RAVER2: variants seen among roughly 807,000 people sequenced by gnomAD.
The protein encoded by RAVER2 is ribonucleoprotein PTB-binding 2.
RAVER2 carries 46 observed loss-of-function variants against 78.1 expected under a neutral mutation model. The ratio of observed to expected loss-of-function variants is 0.59; its 90% CI spans 0.46 to 0.75. The LOEUF (loss-of-function observed/expected upper bound fraction) is 0.75. Ranked by LOEUF, RAVER2 falls within the 30% of genes least tolerant of loss-of-function variation. The pLI is 0.00. For synonymous variants in RAVER2, 311 were observed against 313.3 expected (o/e 0.99, Z 0.08); for missense variants, 793 against 837.5 (o/e 0.95, Z 0.66).
chr1:64,820,205 A>G (rs932829088), intron 11 of RAVER2, among the ~76,000 whole-genome samples: 1 of 152,184 alleles, frequency 6.6e-6, no homozygotes, highest in Non-Finnish European at 1.5e-5. Flanking sequence ...ATACAAAGAG[A>G]TATAGCTAAA....
chr1:64,771,704 T>A (rs901134990), intron 2 of RAVER2, among the ~76,000 whole-genome samples: 3 of 152,116 alleles, frequency 2.0e-5, no homozygotes, highest in Non-Finnish European at 4.4e-5. Flanking sequence ...TGAAGTGGTG[T>A]GATACCGTTT....
At chr1:64,810,812 T>C (rs1044567349) in intron 9 of RAVER2, among the ~76,000 whole-genome samples, 2 of 152,202 alleles carry the variant, frequency 1.3e-5, no homozygotes, top group Admixed American at 6.5e-5. Context: ...GTTTTCTACA[T>C]ACAGTTGACC....
intron 11 of RAVER2, among the ~76,000 whole-genome samples, chr1:64,816,820 A>T (rs1039879436): frequency 1.6e-4 from 25 of 152,228 alleles, no homozygotes; most frequent in Non-Finnish European, 3.1e-4. Flanking sequence ...AACCTAGGCA[A>T]TACCATTCAG....
At chr1:64,781,930 G>A (rs916374216) in intron 4 of RAVER2, among the ~76,000 whole-genome samples, 2 of 151,806 alleles carry the variant, frequency 1.3e-5, no homozygotes, top group African/African-American at 4.8e-5. Context: ...TTGAAATGGA[G>A]TTTCACTCTT....
intron 4 of RAVER2, among the ~76,000 whole-genome samples, chr1:64,788,688 T>C (rs1379748199): frequency 2.1e-5 from 3 of 140,776 alleles, no homozygotes; most frequent in Non-Finnish European, 3.1e-5. Flanking sequence ...GCTGCTCGGG[T>C]GGCTGAGGCA....
At chr1:64,755,723 A>ATTTT (rs1258468090) in intron 1 of RAVER2, among the ~76,000 whole-genome samples, 2 of 66,636 alleles carry the variant, frequency 3.0e-5, no homozygotes, top group African/African-American at 9.1e-5. Flanking sequence ...TATGCTTCAT[A>ATTTT]GTTTTTTTTT....
chr1:64,789,919 CTT>C (rs1428728142), intron 5 of RAVER2, among the ~76,000 whole-genome samples: 2 of 152,138 alleles, frequency 1.3e-5, no homozygotes, highest in African/African-American at 2.4e-5. Flanking sequence ...TTTGTTTCCT[CTT>C]TGTTCTTCCC....
chr1:64,810,381 C>T (rs1006408036), intron 9 of RAVER2, among the ~76,000 whole-genome samples: 10 of 152,226 alleles, frequency 6.6e-5, no homozygotes, highest in Admixed American at 1.3e-4. Context: ...GATGAGGATA[C>T]TGTTCCTGCT....
intron 2 of RAVER2, among the ~76,000 whole-genome samples, chr1:64,774,077 T>C (rs1442550548): frequency 6.6e-6 from 1 of 152,204 alleles, no homozygotes; most frequent in Non-Finnish European, 1.5e-5. Flanking sequence ...CTGGATATAT[T>C]AGCCCTTTGT....
At chr1:64,809,703 C>A (rs1653551951) in intron 9 of RAVER2, among the ~76,000 whole-genome samples, 1 of 150,616 alleles carries the variant, frequency 6.6e-6, no homozygotes, top group South Asian at 2.1e-4. Flanking sequence ...CTCTCCATCT[C>A]CAAAACTTTT....
rs374694243 is a variant in RAVER2 at position 64,773,593 on chromosome 1, G to A, written c.317-4030G>A. ...TCCAGTCTATCATTGTTGGACATTT[G>A]GGTTGGATCCAAGTCTTTGCTATTG... On this transcript the variant is annotated intron_variant, in intron 2 of 11. Coordinates refer to ENST00000294428, the Ensembl canonical transcript of RAVER2. Among the ~76,000 whole-genome samples, 32 of 152,234 alleles carry A rather than the reference G, an allele frequency of 2.1e-4. 7 individuals carry two copies. Among genetic ancestry groups the A allele is most frequent in the Admixed American group, 3.9e-4 (6 of 15,290 alleles).
intron 4 of RAVER2, among the ~76,000 whole-genome samples, chr1:64,783,760 A>G (rs1652701610): frequency 6.6e-6 from 1 of 152,190 alleles, no homozygotes; most frequent in Admixed American, 6.5e-5. Flanking sequence ...CATTCAGGAC[A>G]TAGGCATGGG....
intron 6 of RAVER2, among the ~76,000 whole-genome samples, chr1:64,804,066 A>G (rs145830738): frequency 5.9e-4 from 90 of 152,266 alleles, no homozygotes; most frequent in African/African-American, 2.1e-3. Flanking sequence ...TGGTCCTCAA[A>G]GGACCTTGTT....
chr1:64,807,621 C>A, intron 9 of RAVER2, 147 bp downstream of exon 9: 1 of 939,380 alleles, frequency 1.1e-6, no homozygotes, highest in Non-Finnish European at 1.5e-6. Context: ...GAAAACATTG[C>A]ATTCTTTTAA....
chr1:64,768,567 A>ATGG (rs1434814983), intron 1 of RAVER2, 89 bp from the exon 2 acceptor site: 25 of 763,586 alleles, frequency 3.3e-5, no homozygotes, highest in Non-Finnish European at 5.2e-5. Flanking sequence ...GGTGGTGGTA[A>ATGG]TGGTGGTGGT....
At chr1:64,788,207 T>C (rs1324812540) in intron 4 of RAVER2, among the ~76,000 whole-genome samples, 1 of 152,198 alleles carries the variant, frequency 6.6e-6, no homozygotes, top group Non-Finnish European at 1.5e-5. Flanking sequence ...GCACGGTGGC[T>C]TATGCCTGTA....
chr1:64,830,019 G>A (rs1246240050), intron 11 of RAVER2, among the ~76,000 whole-genome samples: 2 of 152,306 alleles, frequency 1.3e-5, no homozygotes, highest in East Asian at 3.9e-4. Context: ...AACAATTGCA[G>A]TTTTAATTGC....
At position 64,826,979 on chromosome 1, in the gene RAVER2, G is replaced by A. The variant is rs944555107; in HGVS notation, c.1930-3860G>A. On this transcript the variant is annotated intron_variant, in intron 11 of 11. Transcript: ENST00000294428. ...TGGGTGGAGCAAGTTTTATGGGTAC[G>A]TTTTAGACATAAGATCCCTAAGTGA... is the stretch of plus-strand genomic sequence containing the variant. Among the ~76,000 whole-genome samples the A allele has an allele frequency of 7.2e-5, 11 of 152,206 alleles. No homozygotes were observed. In the South Asian group the frequency reaches 1.9e-3, roughly 26 times the overall value.
chr1:64,753,962 C>A (rs1570524562), intron 1 of RAVER2, among the ~76,000 whole-genome samples: 1 of 152,056 alleles, frequency 6.6e-6, no homozygotes, highest in East Asian at 1.9e-4. Context: ...AAATATGGTA[C>A]CCAAAATTGA....
Sources: allele counts gnomAD v4.1 joint callset (sites outside exome capture counted in the v4.1 genomes callset), GRCh38; gene constraint gnomAD v4.1.1; transcripts MANE v1.5; gene names NCBI Gene and HGNC (gene_info 2026-07-23, HGNC 2026-07-21).